The following RBFOX1 variants were observed in gnomAD, a reference collection of about 807,000 sequenced individuals.
The protein encoded by RBFOX1 is RNA binding protein fox-1 homolog 1.
In RBFOX1, 8 loss-of-function variants were observed where a neutral mutation model predicts 57.7. The ratio of observed to expected loss-of-function variants is 0.14; its 90% CI spans 0.08 to 0.25. The LOEUF (loss-of-function observed/expected upper bound fraction) is 0.25, where lower values mean the gene tolerates loss of function less well. Among genes scored for constraint, RBFOX1 ranks in the 10% least tolerant of loss-of-function variants. The probability of loss-of-function intolerance (pLI) is 1.00; values close to 1 mark genes in which losing one functional copy is unlikely to be tolerated. For synonymous variants in RBFOX1, 326 were observed against 222.4 expected, an observed-to-expected ratio of 1.47 and a Z score of -4.15; for missense variants, 611 against 548.5, an observed-to-expected ratio of 1.11 and a Z score of -1.14.
chr16:5,491,341 C>G (rs2042822212), intron 2 of RBFOX1, among the ~76,000 whole-genome samples: 1 of 152,104 alleles, frequency 6.6e-6, no homozygotes, highest in Admixed American at 6.5e-5. Context: ...CTATTATCGC[C>G]AAAGGTTAAT....
chr16:6,992,667 A>G (rs937811564), intron 3 of RBFOX1, among the ~76,000 whole-genome samples: 7 of 152,100 alleles, frequency 4.6e-5, no homozygotes, highest in African/African-American at 7.2e-5. Flanking sequence ...CTTCAACCAT[A>G]TTCTGTTAGA....
chr16:6,023,509 G>T (rs980197713), intron 1 of RBFOX1, among the ~76,000 whole-genome samples: 1 of 152,070 alleles, frequency 6.6e-6, no homozygotes. Flanking sequence ...AGACCATTTC[G>T]TTTGCATCCT....
intron 1 of RBFOX1, among the ~76,000 whole-genome samples, chr16:6,302,786 TAGC>T (rs1232115210): frequency 6.6e-6 from 1 of 152,206 alleles, no homozygotes. Flanking sequence ...GGCTGGTAAT[TAGC>T]AGACATGAGA....
chr16:6,245,862 G>A lies in RBFOX1; in HGVS notation c.-126-71133G>A, dbSNP rs143599851. 7.1e-3 allele frequency among the ~76,000 whole-genome samples: 1,081 copies of A among 152,174 alleles called. 10 individuals carry two copies. The highest frequency in any genetic ancestry group is 0.012 in the Non-Finnish European group (797 of 68,006). On this transcript the variant is annotated intron_variant, in intron 1 of 15. Coordinates refer to ENST00000550418, the MANE Select transcript of RBFOX1 (RefSeq NM_018723.4). ...ATTCCCTGCCTTCATCAGGATCTCC[G>A]CTTGGTTTTGTTGAGACACAGAGTA...
intron 10 of RBFOX1, among the ~76,000 whole-genome samples, chr16:7,617,968 G>C (rs941782034): frequency 1.3e-5 from 2 of 150,448 alleles, no homozygotes; most frequent in Admixed American, 6.7e-5. Flanking sequence ...GTCCCAAGCT[G>C]TTTCTCAACC....
chr16:6,894,908 T>A (rs142002646), intron 3 of RBFOX1, among the ~76,000 whole-genome samples: 2 of 152,278 alleles, frequency 1.3e-5, no homozygotes, highest in East Asian at 3.9e-4. Flanking sequence ...CTTTCTCAGC[T>A]AAAATTAAAT....
At chr16:5,877,825 C>T (rs965799091) in intron 4 of RBFOX1, among the ~76,000 whole-genome samples, 3 of 152,158 alleles carry the variant, frequency 2.0e-5, no homozygotes, top group South Asian at 4.1e-4. Context: ...TGGGTTGTTG[C>T]CATGGCAAGG....
At chr16:5,669,274 C>T (rs913408803) in intron 3 of RBFOX1, among the ~76,000 whole-genome samples, 11 of 152,046 alleles carry the variant, frequency 7.2e-5, no homozygotes, top group African/African-American at 2.7e-4. Flanking sequence ...ACCCTCAGCT[C>T]CAAACTCTGT....
chr16:6,703,187 G>A (rs1208341519), intron 3 of RBFOX1, among the ~76,000 whole-genome samples: 1 of 152,022 alleles, frequency 6.6e-6, no homozygotes, highest in Non-Finnish European at 1.5e-5. Flanking sequence ...ATAGACATTT[G>A]GGTTGTTTCC....
chr16:5,366,925 A>G (rs1168674406), intron 1 of RBFOX1, among the ~76,000 whole-genome samples: 1 of 152,208 alleles, frequency 6.6e-6, no homozygotes, highest in Non-Finnish European at 1.5e-5. Flanking sequence ...ATGACAGGAC[A>G]TAGTAATAGC....
intron 1 of RBFOX1, among the ~76,000 whole-genome samples, chr16:6,155,558 C>T (rs2096832439): frequency 6.6e-6 from 1 of 152,182 alleles, no homozygotes; most frequent in African/African-American, 2.4e-5. Flanking sequence ...TGTCCCACAT[C>T]GATAGTGACC....
chr16:6,856,981 A>C (rs1404509016), intron 3 of RBFOX1, among the ~76,000 whole-genome samples: 2 of 152,172 alleles, frequency 1.3e-5, no homozygotes, highest in African/African-American at 4.8e-5. Flanking sequence ...AAAGAGAAGG[A>C]GGACTTGAGA....
At chr16:7,041,030 C>T (rs1008227055) in intron 3 of RBFOX1, among the ~76,000 whole-genome samples, 3 of 151,556 alleles carry the variant, frequency 2.0e-5, no homozygotes, top group East Asian at 1.9e-4. Context: ...ATTCTCCTGC[C>T]TCAGCCCCCT....
intron 4 of RBFOX1, among the ~76,000 whole-genome samples, chr16:7,480,188 G>C (rs2063597527): frequency 6.6e-6 from 1 of 152,182 alleles, no homozygotes; most frequent in South Asian, 2.1e-4. Flanking sequence ...AGTTTTCTGA[G>C]CTTTGGGTGA....
intron 3 of RBFOX1, among the ~76,000 whole-genome samples, chr16:6,910,417 T>C (rs1373097010): frequency 1.3e-5 from 2 of 152,188 alleles, no homozygotes; most frequent in African/African-American, 2.4e-5. Flanking sequence ...TCTCAGGAAT[T>C]CTGTCCCCAG....
chr16:6,101,211 C>G (rs1328368411), intron 1 of RBFOX1, among the ~76,000 whole-genome samples: 1 of 152,136 alleles, frequency 6.6e-6, no homozygotes, highest in Non-Finnish European at 1.5e-5. Flanking sequence ...TCTCCGGACC[C>G]ACTCTCTCAC....
chr16:6,998,939 G>A (rs2092511998), intron 3 of RBFOX1, among the ~76,000 whole-genome samples: 2 of 151,538 alleles, frequency 1.3e-5, no homozygotes, highest in African/African-American at 2.4e-5. Flanking sequence ...CACGATCTAG[G>A]CTCACTGTAA....
intron 4 of RBFOX1, among the ~76,000 whole-genome samples, chr16:7,376,395 G>C (rs1192870552): frequency 6.6e-6 from 1 of 152,120 alleles, no homozygotes. Flanking sequence ...AGGTGATCCA[G>C]GACTTTCATC....
intron 3 of RBFOX1, among the ~76,000 whole-genome samples, chr16:6,735,151 C>G (rs1021907178): frequency 6.7e-6 from 1 of 150,362 alleles, no homozygotes. Context: ...CCTGTCTCAA[C>G]AAAAACAACA....
Sources: gnomAD v4.1 joint callset for allele counts (sites outside exome capture counted in the v4.1 genomes callset) on GRCh38, gnomAD v4.1.1 for gene constraint, MANE v1.5 for transcripts, NCBI Gene and HGNC (gene_info 2026-07-23, HGNC 2026-07-21) for gene names.